Variants in NPY2R observed in about 807,000 individuals in gnomAD.
NPY2R encodes neuropeptide Y receptor Y2, also known as neuropeptide Y receptor type 2.
In NPY2R, 17 loss-of-function variants were observed where a neutral mutation model predicts 22.3. That is an observed-to-expected ratio of 0.76 (90% CI 0.52 to 1.14). NPY2R has a LOEUF of 1.14. Ranked by LOEUF, NPY2R falls within the 50% of genes most tolerant of loss-of-function variation. The pLI, the probability that NPY2R is intolerant of heterozygous loss-of-function variation, is 0.00. For synonymous variants in NPY2R, 209 were observed against 183.4 expected (o/e 1.14, Z -1.13); for missense variants, 424 against 467.9 (o/e 0.91, Z 0.87).
the NPY2R span, among the ~76,000 whole-genome samples, chr4:155,181,487 G>A: frequency 6.6e-6 from 1 of 152,210 alleles, no homozygotes; most frequent in South Asian, 2.1e-4. Flanking sequence ...ACTATGGTCT[G>A]GATGTTTGTG....
At chr4:155,210,832 G>A (rs920825773) in intron 1 of NPY2R, among the ~76,000 whole-genome samples, 29 of 152,078 alleles carry the variant, frequency 1.9e-4, no homozygotes, top group African/African-American at 2.6e-4. Flanking sequence ...GGAAAGATGC[G>A]GAAAGAGAAA....
the NPY2R span, among the ~76,000 whole-genome samples, chr4:155,177,229 A>T: frequency 6.6e-6 from 1 of 152,200 alleles, no homozygotes; most frequent in Admixed American, 6.5e-5. Context: ...GGTTAGACTC[A>T]AAGGTGTGTT....
the NPY2R span, among the ~76,000 whole-genome samples, chr4:155,177,975 A>T: frequency 2.6e-5 from 4 of 152,156 alleles, no homozygotes; most frequent in Non-Finnish European, 5.9e-5. Context: ...ATTTCTGCTT[A>T]CTCTGAAGTT....
chr4:155,179,953 A>G, the NPY2R span, among the ~76,000 whole-genome samples: 1 of 151,924 alleles, frequency 6.6e-6, no homozygotes, highest in Non-Finnish European at 1.5e-5. Context: ...TGTCTGAGAG[A>G]CAAGTCCTAT....
At chr4:155,189,963 GA>G in the NPY2R span, among the ~76,000 whole-genome samples, 2 of 151,912 alleles carry the variant, frequency 1.3e-5, no homozygotes, top group South Asian at 4.1e-4. Context: ...CGTATTTAGT[GA>G]TATCAAATTA....
chr4:155,205,844 TC>T (rs1729274240), upstream of NPY2R, among the ~76,000 whole-genome samples: 1 of 151,846 alleles, frequency 6.6e-6, no homozygotes, highest in African/African-American at 2.4e-5. Flanking sequence ...TATCTATCTA[TC>T]TATCTATCTA....
chr4:155,174,536 G>T, the NPY2R span, among the ~76,000 whole-genome samples: 1 of 144,050 alleles, frequency 6.9e-6, no homozygotes, highest in Non-Finnish European at 1.5e-5. Context: ...TTTGGATCAG[G>T]ATATATTTCA....
chr4:155,176,699 C>G, the NPY2R span, among the ~76,000 whole-genome samples: 1 of 152,128 alleles, frequency 6.6e-6, no homozygotes, highest in Non-Finnish European at 1.5e-5. Flanking sequence ...TTTGGCAAAA[C>G]TGCACACACT....
chr4:155,187,986 A>T, the NPY2R span, among the ~76,000 whole-genome samples: 1 of 152,164 alleles, frequency 6.6e-6, no homozygotes, highest in Admixed American at 6.6e-5. Context: ...AATGAAGAAC[A>T]TTCTCCTAGA....
chr4:155,199,931 C>T, the NPY2R span, among the ~76,000 whole-genome samples: 2 of 152,156 alleles, frequency 1.3e-5, no homozygotes, highest in African/African-American at 2.4e-5. Flanking sequence ...TAGGCAATAC[C>T]GTTAATGACA....
the NPY2R span, among the ~76,000 whole-genome samples, chr4:155,200,048 T>C: frequency 6.6e-6 from 1 of 152,080 alleles, no homozygotes; most frequent in African/African-American, 2.4e-5. Context: ...TAAACTATCA[T>C]TGGAATGAAC....
the NPY2R span, among the ~76,000 whole-genome samples, chr4:155,197,638 T>C: frequency 3.3e-5 from 5 of 152,132 alleles, no homozygotes; most frequent in Admixed American, 2.6e-4. Flanking sequence ...AATAGATTCC[T>C]AATAGTAACT....
chr4:155,177,046 G>T, the NPY2R span, among the ~76,000 whole-genome samples: 4 of 152,136 alleles, frequency 2.6e-5, no homozygotes, highest in Admixed American at 6.6e-5. Flanking sequence ...GCATTTTGGA[G>T]AGGACACATT....
At chr4:155,189,784 A>G in the NPY2R span, among the ~76,000 whole-genome samples, 2 of 151,974 alleles carry the variant, frequency 1.3e-5, no homozygotes, top group Admixed American at 6.6e-5. Flanking sequence ...AATTTTTTAT[A>G]AATCAAATAA....
At chr4:155,189,892 C>A in the NPY2R span, among the ~76,000 whole-genome samples, 1 of 151,928 alleles carries the variant, frequency 6.6e-6, no homozygotes, top group South Asian at 2.1e-4. Context: ...TTTTGCATAT[C>A]CTTACTCTTT....
the NPY2R span, among the ~76,000 whole-genome samples, chr4:155,174,484 A>ATATATATATATATATATATATTTTTT: frequency 1.9e-5 from 2 of 106,068 alleles, no homozygotes; most frequent in African/African-American, 9.0e-5. Flanking sequence ...ATATATATAT[A>ATATATATATATATATATATATTTTTT]TTTTTTTTTT....
chr4:155,201,409 A>G, the NPY2R span, among the ~76,000 whole-genome samples: 1 of 152,188 alleles, frequency 6.6e-6, no homozygotes, highest in Non-Finnish European at 1.5e-5. Flanking sequence ...GCTTCCAAGT[A>G]CTATCACCAA....
the NPY2R span, among the ~76,000 whole-genome samples, chr4:155,175,079 C>A: frequency 2.0e-5 from 3 of 152,044 alleles, no homozygotes; most frequent in African/African-American, 7.2e-5. Flanking sequence ...GCTCTTCTAT[C>A]ATAATTTTCC....
chr4:155,214,815 C>T lies in NPY2R; in HGVS notation c.876C>T (p.Asp292=), dbSNP rs1222280963. ...TCCATGCCTTCCAGCTTGCCGTTGA[C>T]ATTGACAGCCAGGTCCTGGACCTGA... ...LPLHAFQLAV[D]IDSQVLDLKE... is the part of the protein sequence containing the mutation. The change falls in exon 2 of 2, where the codon GAC becomes GAT. Residue 292 remains aspartate, a synonymous_variant. Transcript: ENST00000329476. 2 of 1,611,900 alleles carry T rather than the reference C, an allele frequency of 1.2e-6. No homozygotes were observed. Among genetic ancestry groups the T allele is most frequent in the Non-Finnish European group, 1.7e-6 (2 of 1,178,476 alleles).
Sources: gnomAD v4.1 joint callset for allele counts (sites outside exome capture counted in the v4.1 genomes callset) on GRCh38, gnomAD v4.1.1 for gene constraint, MANE v1.5 for transcripts, NCBI Gene and HGNC (gene_info 2026-07-23, HGNC 2026-07-21) for gene names.